Variants in PRPSAP1 observed in about 807,000 individuals in gnomAD.
PRPSAP1 encodes the protein phosphoribosyl pyrophosphate synthase-associated protein 1.
Under a neutral mutation model 39.4 loss-of-function variants are expected in PRPSAP1, and 31 were observed. That is an observed-to-expected ratio of 0.79 (90% confidence interval 0.59 to 1.06). PRPSAP1 has a LOEUF of 1.06. Among genes scored for constraint, PRPSAP1 ranks in the 50% least tolerant of loss-of-function variants. The pLI, the probability that PRPSAP1 is intolerant of heterozygous loss-of-function variation, is 0.00. For synonymous variants in PRPSAP1, 212 were observed against 192.6 expected, an observed-to-expected ratio of 1.10 and a Z score of -0.83; for missense variants, 430 against 511.6, an observed-to-expected ratio of 0.84 and a Z score of 1.54.
intron 3 of PRPSAP1, among the ~76,000 whole-genome samples, chr17:76,342,800 G>A (rs2071453613): frequency 6.6e-6 from 1 of 151,996 alleles, no homozygotes; most frequent in Middle Eastern, 3.4e-3. Context: ...AGGGCCGGGC[G>A]CAGTGGCTCA....
rs377279929 is a variant in PRPSAP1, at chr17:76,313,925, C to A, written c.782-34G>T. 3 of 1,606,738 alleles carry A rather than the reference C, an allele frequency of 1.9e-6. No homozygotes were observed. In the South Asian group the frequency reaches 3.3e-5, roughly 18 times the overall value. On this transcript the variant is annotated intron_variant, in intron 7 of 9. Transcript: ENST00000446526. ...ACAAAACAAATTACAAGATCTCAGT[C>A]ATTCATGTATCACTAGAGAAATGTA...
intron 1 of PRPSAP1, 46 bp downstream of exon 1, chr17:76,353,488 G>C (rs1000140669): frequency 6.9e-7 from 1 of 1,454,598 alleles, no homozygotes; most frequent in South Asian, 1.4e-5. Context: ...GCGAAGGAGA[G>C]CTAGGCGCCG....
intron 3 of PRPSAP1, among the ~76,000 whole-genome samples, chr17:76,333,850 G>GCATT (rs58262193): frequency 0.43 from 64,483 of 151,236 alleles, 16,443 homozygotes; most frequent in Non-Finnish European, 0.57. Flanking sequence ...TGTAGACTCT[G>GCATT]CATTCATTCA....
chr17:76,347,985 A>C (rs903051745), intron 2 of PRPSAP1, among the ~76,000 whole-genome samples: 9 of 152,134 alleles, frequency 5.9e-5, no homozygotes, highest in African/African-American at 2.2e-4. Context: ...ACAGGGTAGG[A>C]GTAAGGAAGC....
At position 76,313,830 on chromosome 17, in the gene PRPSAP1, T is replaced by C. The variant is rs1371880852; in HGVS notation, c.843A>G (p.Ala281=). The change falls in exon 8 of 10, where the codon GCA becomes GCG. Residue 281 remains alanine, a synonymous_variant. Transcript: ENST00000446526. ...TGACATATAACCATACCACGATGAT[T>C]GCGATGCGGCCTCCAACATCTCCAA... is the stretch of plus-strand genomic sequence containing the variant. ...TVVGDVGGRI[A]IIVDDIIDDV... 1 of 1,614,122 alleles carries C rather than the reference T, an allele frequency of 6.2e-7. No individual in the cohort carries two copies. The highest frequency in any genetic ancestry group is 8.5e-7 in the Non-Finnish European group (1 of 1,180,016).
chr17:76,331,610 G>C (rs756223124), intron 4 of PRPSAP1, among the ~76,000 whole-genome samples: 1 of 152,110 alleles, frequency 6.6e-6, no homozygotes, highest in Non-Finnish European at 1.5e-5. Flanking sequence ...GAGTATCTTT[G>C]GGTTTTTGTA....
chr17:76,353,622 G>A lies in PRPSAP1; in HGVS notation c.82C>T (p.Pro28Ser). The change falls in exon 1 of 10, where the codon CCG (proline) becomes TCG (serine). Residue 28 changes from proline to serine, a missense_variant. Coordinates refer to ENST00000446526, the MANE Select transcript of PRPSAP1 (RefSeq NM_002766.3). ...CCGGTGCGAGCGGCGTTCATGGCCG[G>A]CGGGGGAACGGGGCGGGCGCGCGGG... is the stretch of plus-strand genomic sequence containing the variant. ...RVPRARPVPP[P>S]AMNAARTGYR... 6.4e-7 allele frequency: 1 copy of A among 1,551,598 alleles called. No individual in the cohort carries two copies.
At chr17:76,337,856 C>T (rs529277175) in intron 3 of PRPSAP1, among the ~76,000 whole-genome samples, 162 of 152,074 alleles carry the variant, frequency 1.1e-3, no homozygotes, top group African/African-American at 1.4e-3. Flanking sequence ...CCACCTGCCT[C>T]GGCCTCCCAA....
chr17:76,314,003 A>T lies in PRPSAP1; in HGVS notation c.782-112T>A, dbSNP rs56194157. ...GGCAAAACCACTATACAGACAAAAA[A>T]CAAACAAACCATGCAAATTCCCCCT... On this transcript the variant is annotated intron_variant, in intron 7 of 9. Transcript: ENST00000446526. 3.9e-5 allele frequency: 44 copies of T among 1,125,104 alleles called. No individual in the cohort carries two copies. In the African/African-American group the frequency reaches 6.6e-4, roughly 17 times the overall value. 69.7% of individuals were successfully genotyped at this position (1,125,104 alleles called of 1,614,324 possible). A position where few individuals can be genotyped will look rare whatever the true frequency, so the allele number is the denominator to read the frequency against.
chr17:76,331,485 A>G (rs2071321793), intron 4 of PRPSAP1, among the ~76,000 whole-genome samples: 1 of 152,220 alleles, frequency 6.6e-6, no homozygotes, highest in Non-Finnish European at 1.5e-5. Flanking sequence ...TCCCTAAACA[A>G]GACAGCATAA....
chr17:76,344,384 C>T (rs563635427), intron 3 of PRPSAP1, among the ~76,000 whole-genome samples: 2 of 152,304 alleles, frequency 1.3e-5, no homozygotes, highest in African/African-American at 4.8e-5. Flanking sequence ...CCGCCTCGGC[C>T]TCCCAAAGTG....
At chr17:76,328,531 C>T (rs1002163654) in intron 7 of PRPSAP1, among the ~76,000 whole-genome samples, 186 bp downstream of exon 7, 3 of 152,180 alleles carry the variant, frequency 2.0e-5, no homozygotes, top group Non-Finnish European at 2.9e-5. Context: ...ATTGCTTGAA[C>T]CCAGGAGGCA....
chr17:76,316,188 A>G (rs900191808), intron 7 of PRPSAP1, among the ~76,000 whole-genome samples: 3 of 146,492 alleles, frequency 2.0e-5, no homozygotes, highest in Non-Finnish European at 3.0e-5. Context: ...AAAAAAAAAA[A>G]AAAGAAAAAA....
In PRPSAP1 at chr17:76,350,993, T is replaced by C. The variant is rs529308560; in HGVS notation, c.171-2412A>G. On this transcript the variant is annotated intron_variant, in intron 1 of 9. Transcript: ENST00000446526. ...TTGTGGGTGAGCCAAGATGGCTCTA[T>C]TGCACTCCAGCCTGGGCAACAAGAG... 2.5e-4 allele frequency among the ~76,000 whole-genome samples: 38 copies of C among 152,094 alleles called. No individual in the cohort carries two copies. In the South Asian group the frequency reaches 7.5e-3, roughly 30 times the overall value.
At chr17:76,350,757 G>A (rs1034254848) in intron 1 of PRPSAP1, among the ~76,000 whole-genome samples, 1 of 152,202 alleles carries the variant, frequency 6.6e-6, no homozygotes, top group Non-Finnish European at 1.5e-5. Flanking sequence ...GGTAGGCCAG[G>A]CACAGTGGCT....
rs1269740827 is a variant in PRPSAP1, at chr17:76,353,522, C to G, written c.170+12G>C. 3 of 1,494,626 alleles carry G rather than the reference C, an allele frequency of 2.0e-6. No homozygotes were observed. The highest frequency in any genetic ancestry group is 2.7e-6 in the Non-Finnish European group (3 of 1,126,090). 92.6% of individuals were successfully genotyped at this position (1,494,626 alleles called of 1,614,324 possible). A position where few individuals can be genotyped will look rare whatever the true frequency, so the allele number is the denominator to read the frequency against. ...CGCCGCCCCCGGCCCGGCCCTCCCA[C>G]CGCCCCCTTACTCTGTGATGCGCTT... On this transcript the variant is annotated intron_variant, in intron 1 of 9. Transcript: ENST00000446526.
At chr17:76,325,069 CAA>C (rs71161285) in intron 7 of PRPSAP1, among the ~76,000 whole-genome samples, 163 of 117,510 alleles carry the variant, frequency 1.4e-3, no homozygotes, top group Admixed American at 3.5e-3. Context: ...CGTCTCAAAA[CAA>C]AAAAAAAAAA....
Position 76,310,638 on chromosome 17 carries a change from T to C in PRPSAP1, c.*904A>G, listed in dbSNP as rs951306994. 3 of 152,060 alleles carry C rather than the reference T, an allele frequency of 2.0e-5. No homozygotes were observed. Among genetic ancestry groups the C allele is most frequent in the Non-Finnish European group, 4.4e-5 (3 of 68,030 alleles). The allele number at this position is 152,060 out of a possible 1,614,324, so 9.4% of individuals were successfully genotyped here. ...CATGCTACCAATGCCTGGCTAATTT[T>C]TGTATTTTTTGTAGACATGGGGGTT... On this transcript the variant is annotated 3_prime_UTR_variant, in exon 10 of 10. Coordinates refer to ENST00000446526, the MANE Select transcript of PRPSAP1 (RefSeq NM_002766.3).
chr17:76,336,454 C>G (rs938982459), intron 3 of PRPSAP1, among the ~76,000 whole-genome samples: 1 of 145,554 alleles, frequency 6.9e-6, no homozygotes. Context: ...AAAAAAAGGC[C>G]AGGCACGGTG....
Sources: gnomAD v4.1 joint callset for allele counts (sites outside exome capture counted in the v4.1 genomes callset) on GRCh38, gnomAD v4.1.1 for gene constraint, MANE v1.5 for transcripts, NCBI Gene and HGNC (gene_info 2026-07-23, HGNC 2026-07-21) for gene names.